The following IGFN1 variants were observed in gnomAD, a reference collection of about 807,000 sequenced individuals.
The protein encoded by IGFN1 is immunoglobulin-like and fibronectin type III domain-containing protein 1.
Under a neutral mutation model 289.5 loss-of-function variants are expected in IGFN1, and 253 were observed. That is an observed-to-expected ratio of 0.87 (90% CI 0.79 to 0.97). IGFN1 has a LOEUF of 0.97. IGFN1 is among the 50% of genes least tolerant of loss of function. IGFN1 has a pLI of 0.00. For synonymous variants in IGFN1, 1,706 were observed against 1,788.5 expected (o/e 0.95, Z 1.16); for missense variants, 4,470 against 4,686.1 (o/e 0.95, Z 1.35).
rs372638363 is a variant in IGFN1, at chr1:201,215,781, G to A, written c.9238G>A (p.Val3080Met). ...CAGGAAGGACTGTGGCCAGTACAGC[G>A]TGACACTGAGGAGTGAGGGAGGCTC... ...AGRKDCGQYS[V>M]TLRSEGGSVQ... Residue 3080 changes from valine to methionine, a missense_variant, in exon 15 of 24, where the codon GTG (valine) becomes ATG (methionine). By Grantham distance (21) the Val-to-Met change is conservative (BLOSUM62 1). Around this residue, in one of 8 missense-constraint regions of IGFN1, gnomAD observed 2,218 missense variants for 2,114.1 expected, o/e 1.05. Coordinates refer to ENST00000335211, the MANE Select transcript of IGFN1 (RefSeq NM_001164586.2). 31 of 1,601,212 alleles carry A rather than the reference G, an allele frequency of 1.9e-5. No individual in the cohort carries two copies. The highest frequency in any genetic ancestry group is 5.3e-5 in the African/African-American group (4 of 74,770).
Position 201,228,569 on chromosome 1 carries a change from A to G in IGFN1, c.*170A>G. ...CCAGGAGGACGTGAAGTCCTTGGGGAAGAAAAACAAGGGAGGAGGGCATTC... is the reference window on the plus strand; with the variant it reads ...CCAGGAGGACGTGAAGTCCTTGGGGGAGAAAAACAAGGGAGGAGGGCATTC... On this transcript the variant is annotated 3_prime_UTR_variant, in exon 24 of 24. Coordinates refer to ENST00000335211, the MANE Select transcript of IGFN1 (RefSeq NM_001164586.2). 1 of 696,206 alleles carries G rather than the reference A, an allele frequency of 1.4e-6. No individual in the cohort carries two copies. The highest frequency in any genetic ancestry group is 2.6e-6 in the Non-Finnish European group (1 of 389,030). 43.1% of individuals were successfully genotyped at this position (696,206 alleles called of 1,614,324 possible).
chr1:201,201,835 G>A lies in IGFN1; in HGVS notation c.747+3G>A. 7.5e-7 allele frequency: 1 copy of A among 1,329,144 alleles called. No homozygotes were observed. Among genetic ancestry groups the A allele is most frequent in the Non-Finnish European group, 1.1e-6 (1 of 945,004 alleles). 82.3% of individuals were successfully genotyped at this position (1,329,144 alleles called of 1,614,324 possible). On this transcript the variant is annotated splice_donor_region_variant and intron_variant, in intron 9 of 23. Transcript: ENST00000335211. ...AGAGCAAGATTTACCTGTATAAGGT[G>A]AGGCTGGAGGGGCTATGGGTGGGGG...
chr1:201,223,582 G>C (rs534229127), intron 20 of IGFN1, among the ~76,000 whole-genome samples: 39 of 152,210 alleles, frequency 2.6e-4, no homozygotes, highest in Middle Eastern at 3.4e-3. Context: ...TGTTGGCCAG[G>C]CTGGCCTCTC....
intron 16 of IGFN1, 72 bp downstream of exon 16, chr1:201,216,825 G>C (rs777482400): frequency 3.9e-5 from 52 of 1,330,690 alleles, no homozygotes; most frequent in Non-Finnish European, 5.2e-5. Context: ...AGGGCAGGCT[G>C]TCCCAGAGGC....
At chr1:201,222,910 C>T in intron 20 of IGFN1, 83 bp downstream of exon 20, 1 of 902,980 alleles carries the variant, frequency 1.1e-6, no homozygotes, top group Non-Finnish European at 1.7e-6. Context: ...CTCTTTTCTT[C>T]CCTGTTCCTT....
intron 4 of IGFN1, 100 bp from the exon 5 acceptor site, chr1:201,197,118 C>G: frequency 1.4e-6 from 1 of 696,488 alleles, no homozygotes; most frequent in South Asian, 1.7e-5. Flanking sequence ...GGACAAGGAC[C>G]ATGTCTTACT....
At chr1:201,218,154 G>A (rs551570621) in intron 17 of IGFN1, among the ~76,000 whole-genome samples, 211 of 152,338 alleles carry the variant, frequency 1.4e-3, no homozygotes, top group Non-Finnish European at 2.7e-3. Flanking sequence ...TAGGAGCTGA[G>A]GCCTGTCAGG....
In IGFN1 at chr1:201,197,214, G is replaced by A; in HGVS notation, c.268-4G>A. 4 of 1,546,512 alleles carry A rather than the reference G, an allele frequency of 2.6e-6. No homozygotes were observed. The highest frequency in any genetic ancestry group is 3.5e-6 in the Non-Finnish European group (4 of 1,142,434). ...CTGTTCCTCTGCCCTTGGCCTCTCT[G>A]CAGATCAACAAGCTGACAGGCGAGG... On this transcript the variant is annotated splice_region_variant and splice_polypyrimidine_tract_variant and intron_variant, in intron 4 of 23. Transcript: ENST00000335211.
Position 201,208,520 on chromosome 1 carries a change from C to A in IGFN1, c.3627C>A (p.Gly1209=). The A allele has an allele frequency of 6.9e-7, 1 of 1,453,096 alleles. No homozygotes were observed. Among genetic ancestry groups the A allele is most frequent in the Non-Finnish European group, 9.0e-7 (1 of 1,111,028 alleles). 90.0% of individuals were successfully genotyped at this position (1,453,096 alleles called of 1,614,324 possible). A position where few individuals can be genotyped will look rare whatever the true frequency, so the allele number is the denominator to read the frequency against. The change falls in exon 12 of 24, where the codon GGC becomes GGA. Residue 1209 remains glycine, a synonymous_variant. Transcript: ENST00000335211. ...GGAGCCAGTGGGCTTATGGGGCTGG[C>A]AATGTGCTGGGTTATGAGGATGGAT... ...ASGSQWAYGA[G]NVLGYEDGSE...
intron 17 of IGFN1, 120 bp from the exon 18 acceptor site, chr1:201,218,410 T>G: frequency 2.3e-6 from 2 of 874,794 alleles, no homozygotes; most frequent in Non-Finnish European, 3.5e-6. Context: ...GGTGGAGGGA[T>G]GTAGGGAGGG....
intron 10 of IGFN1, 116 bp downstream of exon 10, chr1:201,204,022 C>A (rs832159): frequency 0.11 from 102,499 of 969,652 alleles, 6,314 homozygotes; most frequent in Middle Eastern, 0.14. Flanking sequence ...CTGCAAAAGA[C>A]AATTGGGAGA....
chr1:201,216,163 G>C, intron 15 of IGFN1: 1 of 608,816 alleles, frequency 1.6e-6, no homozygotes, highest in African/African-American at 1.8e-5. Flanking sequence ...GCTCTTGGCC[G>C]AGCAGGTGCC....
chr1:201,212,224 G>T lies in IGFN1; in HGVS notation c.7331G>T (p.Gly2444Val). Residue 2444 changes from glycine to valine, a missense_variant, in exon 12 of 24, where the codon GGC (glycine) becomes GTC (valine). Physicochemically the swap from Gly to Val is moderately radical, Grantham distance 109 (BLOSUM62 -3). Transcript: ENST00000335211. ...GGMAHRDSLR[G>V]TGVLGSQGGR... is the part of the protein sequence containing the mutation. ...ATGGCACACAGAGACAGCCTCAGGG[G>T]CACAGGGGTGCTGGGGTCTCAGGGA... 1 of 1,534,332 alleles carries T rather than the reference G, an allele frequency of 6.5e-7. No individual in the cohort carries two copies. The highest frequency in any genetic ancestry group is 8.7e-7 in the Non-Finnish European group (1 of 1,145,640).
Position 201,211,842 on chromosome 1 carries a change from T to C in IGFN1, c.6949T>C (p.Trp2317Arg), listed in dbSNP as rs1234036343. 1.3e-6 allele frequency: 2 copies of C among 1,535,664 alleles called. No individual in the cohort carries two copies. The highest frequency in any genetic ancestry group is 8.7e-7 in the Non-Finnish European group (1 of 1,146,314). Residue 2317 changes from tryptophan (W) to arginine (R), a missense_variant, in exon 12 of 24, where the codon TGG becomes CGG. This residue lies in a region of IGFN1 where 2,218 missense variants were observed against 2,114.1 expected (regional missense o/e 1.05). Transcript: ENST00000335211. ...GGAGGATTCTGGGTACATTTTGTCA[T>C]GGAATGAGGCAGGTTCTAGGCAAGG... is the stretch of plus-strand genomic sequence containing the variant. The part of the protein sequence containing the change: ...SLEDSGYILS[W>R]NEAGSRQGFG...
Position 201,228,645 on chromosome 1 carries a change from T to G in IGFN1, c.*246T>G. On this transcript the variant is annotated 3_prime_UTR_variant, in exon 24 of 24. Transcript: ENST00000335211. ...CTCAACAGAATGACAGCGAACCTCC[T>G]GGACCCTCACCATATGGGTTTCTTT... The G allele has an allele frequency of 1.7e-6, 1 of 587,476 alleles. No homozygotes were observed. Among genetic ancestry groups the G allele is most frequent in the Non-Finnish European group, 3.0e-6 (1 of 329,412 alleles). The allele number at this position is 587,476 out of a possible 1,614,324, so 36.4% of individuals were successfully genotyped here. A position where few individuals can be genotyped will look rare whatever the true frequency, so the allele number is the denominator to read the frequency against.
chr1:201,198,311 T>C (rs1473071398), intron 5 of IGFN1, among the ~76,000 whole-genome samples: 1 of 152,192 alleles, frequency 6.6e-6, no homozygotes, highest in Non-Finnish European at 1.5e-5. Flanking sequence ...AATTTTTGTA[T>C]TTTTAGTTGA....
chr1:201,199,187 C>A, intron 5 of IGFN1, 147 bp from the exon 6 acceptor site: 2 of 717,786 alleles, frequency 2.8e-6, no homozygotes, highest in South Asian at 1.6e-5. Context: ...CTCCATCCCT[C>A]TTGCTGGGAT....
In IGFN1 at chr1:201,206,628, G is replaced by A; in HGVS notation, c.1735G>A (p.Glu579Lys). The change falls in exon 12 of 24, where the codon GAG becomes AAG. Residue 579 changes from glutamate to lysine, a missense_variant. By Grantham distance (56) the Glu-to-Lys change is moderately conservative. Transcript: ENST00000335211. ...GGLGSSREGK[E>K]HRGDSGRQLD... ...ACTGGGGAGCAGCAGGGAAGGAAAGGAGCACAGAGGGGACAGTGGAAGACA... is the reference window on the plus strand; with the variant it reads ...ACTGGGGAGCAGCAGGGAAGGAAAGAAGCACAGAGGGGACAGTGGAAGACA... 3 of 1,541,204 alleles carry A rather than the reference G, an allele frequency of 1.9e-6. No individual in the cohort carries two copies. Among genetic ancestry groups the A allele is most frequent in the Non-Finnish European group, 8.7e-7 (1 of 1,146,932 alleles).
intron 20 of IGFN1, 38 bp from the exon 21 acceptor site, chr1:201,224,641 C>G: frequency 3.8e-6 from 6 of 1,574,370 alleles, no homozygotes; most frequent in Non-Finnish European, 5.2e-6. Flanking sequence ...AAACTGCCAG[C>G]TTCCCCTTCT....
Sources: allele counts gnomAD v4.1 joint callset (sites outside exome capture counted in the v4.1 genomes callset), GRCh38; gene constraint gnomAD v4.1.1; regional missense constraint gnomAD v4.1.1; transcripts MANE v1.5; gene names NCBI Gene and HGNC (gene_info 2026-07-23, HGNC 2026-07-21).